Variants in DOP1B observed in about 807,000 individuals in gnomAD.
DOP1B encodes DOP1 leucine zipper like protein B.
A neutral mutation model predicts 233.5 loss-of-function variants in DOP1B; 174 were observed. That is an observed-to-expected ratio of 0.75 (90% CI 0.66 to 0.85). The LOEUF is 0.85. Among genes scored for constraint, DOP1B ranks in the 40% least tolerant of loss-of-function variants. The probability of loss-of-function intolerance (pLI) is 0.00; values close to 1 mark genes in which losing one functional copy is unlikely to be tolerated. For synonymous variants in DOP1B, 1,190 were observed against 1,185.6 expected (o/e 1.00, Z -0.08); for missense variants, 2,652 against 2,846.6 (o/e 0.93, Z 1.56).
At chr21:36,290,919 G>A (rs77182631) in intron 35 of DOP1B, among the ~76,000 whole-genome samples, 5,236 of 151,462 alleles carry the variant, frequency 0.035, 133 homozygotes, top group East Asian at 0.095. Context: ...GCAGTGAGCC[G>A]ACATCGCACC....
intron 2 of DOP1B, among the ~76,000 whole-genome samples, chr21:36,176,104 G>GTGTGTGTGTGTGTGCA (rs2066025893): frequency 1.3e-5 from 2 of 150,626 alleles, no homozygotes. Flanking sequence ...GTGCGTGTGT[G>GTGTGTGTGTGTGTGCA]TGTGTGTGTG....
chr21:36,171,530 G>T (rs1050394720), intron 2 of DOP1B, among the ~76,000 whole-genome samples: 1 of 152,132 alleles, frequency 6.6e-6, no homozygotes, highest in African/African-American at 2.4e-5. Context: ...TGATGAAAAA[G>T]GGGAAATGTA....
chr21:36,263,928 C>G lies in DOP1B; in HGVS notation c.5487+114C>G. On this transcript the variant is annotated intron_variant, in intron 26 of 36. Transcript: ENST00000691173. The stretch of plus-strand genomic sequence containing the variant: ...GACATTGGACAGAATCTGAGGTTAG[C>G]TTTGCACTTGTTCTCAAGTCTTACT... 5 of 1,080,610 alleles carry G rather than the reference C, an allele frequency of 4.6e-6. No homozygotes were observed. In the South Asian group the frequency reaches 6.9e-5, roughly 15 times the overall value. The allele number at this position is 1,080,610 out of a possible 1,614,324, so 66.9% of individuals were successfully genotyped here.
At chr21:36,281,363 A>G (rs1408414506) in intron 31 of DOP1B, 120 bp from the exon 32 acceptor site, 1 of 1,050,980 alleles carries the variant, frequency 9.5e-7, no homozygotes, top group East Asian at 2.5e-5. Context: ...TCATGTCCTT[A>G]CTTAATAAAG....
At chr21:36,277,750 G>A (rs142002864) in intron 28 of DOP1B, among the ~76,000 whole-genome samples, 73 of 151,838 alleles carry the variant, frequency 4.8e-4, no homozygotes, top group African/African-American at 1.7e-3. Context: ...TGCCTCCTGG[G>A]TTCAAGCAGT....
intron 24 of DOP1B, among the ~76,000 whole-genome samples, chr21:36,262,348 A>G (rs2067180550): frequency 6.6e-6 from 1 of 152,136 alleles, no homozygotes; most frequent in Non-Finnish European, 1.5e-5. Flanking sequence ...AGGTCACACA[A>G]TAGGTAGTAA....
At chr21:36,217,129 T>A (rs2066569112) in intron 9 of DOP1B, among the ~76,000 whole-genome samples, 1 of 150,676 alleles carries the variant, frequency 6.6e-6, no homozygotes, top group African/African-American at 2.4e-5. Flanking sequence ...GGCCTCTCTC[T>A]GGCCTTGGGA....
intron 15 of DOP1B, among the ~76,000 whole-genome samples, chr21:36,234,118 A>G (rs891501312): frequency 6.6e-6 from 1 of 152,110 alleles, no homozygotes; most frequent in African/African-American, 2.4e-5. Flanking sequence ...TCAGCCTCCC[A>G]AAGTGCCAGA....
At chr21:36,199,465 C>T (rs150257369) in intron 3 of DOP1B, among the ~76,000 whole-genome samples, 1,701 of 151,524 alleles carry the variant, frequency 0.011, 28 homozygotes, top group African/African-American at 0.039. Flanking sequence ...AATTTAAGTT[C>T]TAGGGTACAT....
chr21:36,282,094 G>C (rs1569070031), intron 32 of DOP1B, among the ~76,000 whole-genome samples: 2 of 152,102 alleles, frequency 1.3e-5, no homozygotes, highest in African/African-American at 4.8e-5. Flanking sequence ...TAGAACTTCA[G>C]AAGTATATTG....
rs142222484 is a variant in DOP1B, at chr21:36,203,538, A to G, written c.491+3037A>G. ...AGCCAAGATCGCACCACTGCACTCTAGCCTGGGCAACAGAGCAAGACTCCA... is the reference window on the plus strand; with the variant it reads ...AGCCAAGATCGCACCACTGCACTCTGGCCTGGGCAACAGAGCAAGACTCCA... On this transcript the variant is annotated intron_variant, in intron 4 of 36. Transcript: ENST00000691173. 2.2e-3 allele frequency among the ~76,000 whole-genome samples: 336 copies of G among 152,264 alleles called. 1 individual carries two copies. Among genetic ancestry groups the G allele is most frequent in the Middle Eastern group, 0.017 (5 of 294 alleles).
rs112231366 is a variant in DOP1B at position 36,223,223 on chromosome 21, T to C, written c.1251-8T>C. Reference sequence around the variant, plus strand: ...AGACATATTTATTCATGTCCTCCCCTTTTACAGTGCAATCAAGGAAAACAG... The same window carrying C: ...AGACATATTTATTCATGTCCTCCCCCTTTACAGTGCAATCAAGGAAAACAG... On this transcript the variant is annotated splice_region_variant and splice_polypyrimidine_tract_variant and intron_variant, in intron 10 of 36. Transcript: ENST00000691173. 3,136 of 1,589,182 alleles carry C rather than the reference T, an allele frequency of 2.0e-3. 47 individuals carry two copies. The African/African-American group carries it at 0.033, about 17-fold the overall frequency.
Position 36,245,221 on chromosome 21 carries a change from C to T in DOP1B, c.3241C>T (p.Arg1081Ter), listed in dbSNP as rs766473651. The T allele has an allele frequency of 9.3e-6, 15 of 1,613,962 alleles. No individual in the cohort carries two copies. The highest frequency in any genetic ancestry group is 2.7e-5 in the African/African-American group (2 of 74,936). Residue 1081 changes from arginine (R) to a stop codon, truncating the protein, a stop_gained, in exon 19 of 37, where the codon CGA (arginine) becomes TGA (stop). Coordinates refer to ENST00000691173, the MANE Select transcript of DOP1B (RefSeq NM_001320714.2). LOFTEE classifies it high-confidence loss of function. This position sits in a 1 kb window ranked among gnomAD's most constrained non-coding sequence, Gnocchi z 5.5. Reference sequence around the variant, plus strand: ...GAAGGAGCCCGAGAAGTACCCGCTGCGAGGCGAGCTGAGCGAGGAAGAGCT... The same window carrying T: ...GAAGGAGCCCGAGAAGTACCCGCTGTGAGGCGAGCTGAGCGAGGAAGAGCT... ...VEKEPEKYPL[R>*]GELSEEELPY...
At chr21:36,291,733 C>T (rs1336811458) in intron 35 of DOP1B, among the ~76,000 whole-genome samples, 2 of 152,062 alleles carry the variant, frequency 1.3e-5, no homozygotes, top group Admixed American at 1.3e-4. Context: ...AACTGAGACA[C>T]GCTGGAATCT....
rs549139312 is a variant in DOP1B at position 36,163,214 on chromosome 21, C to T, written c.-26-1494C>T. Among the ~76,000 whole-genome samples, 6 of 151,988 alleles carry T rather than the reference C, an allele frequency of 3.9e-5. No individual in the cohort carries two copies. In the South Asian group the frequency reaches 1.2e-3, roughly 32 times the overall value. ...CAAAAATTAGCTGGACATGGTGGCACGTGCCTGTAGCCCCAGCTATTTGGG... is the reference window on the plus strand; with the variant it reads ...CAAAAATTAGCTGGACATGGTGGCATGTGCCTGTAGCCCCAGCTATTTGGG... On this transcript the variant is annotated intron_variant, in intron 1 of 36. Coordinates refer to ENST00000691173, the MANE Select transcript of DOP1B (RefSeq NM_001320714.2).
intron 4 of DOP1B, among the ~76,000 whole-genome samples, chr21:36,201,365 T>TTTTTTTTA (rs2066364781): frequency 4.1e-5 from 6 of 147,178 alleles, no homozygotes; most frequent in Admixed American, 6.8e-5. Flanking sequence ...TTTTTTTTTT[T>TTTTTTTTA]GAGACAGAGT....
At chr21:36,203,024 C>T (rs372347914) in intron 4 of DOP1B, among the ~76,000 whole-genome samples, 1 of 152,216 alleles carries the variant, frequency 6.6e-6, no homozygotes, top group Non-Finnish European at 1.5e-5. Context: ...TTACTGTGAT[C>T]TTTTAAATCT....
intron 1 of DOP1B, among the ~76,000 whole-genome samples, chr21:36,158,201 T>C (rs1423138547): frequency 6.6e-6 from 1 of 152,208 alleles, no homozygotes; most frequent in Non-Finnish European, 1.5e-5. Context: ...CTTGTGTGAT[T>C]ACTTCTTTCT....
intron 16 of DOP1B, among the ~76,000 whole-genome samples, chr21:36,237,642 C>T (rs1569041772): frequency 2.0e-5 from 3 of 152,218 alleles, no homozygotes; most frequent in Non-Finnish European, 1.5e-5. Flanking sequence ...TATTGAGGCT[C>T]ACCAGGGAAA....
Sources: allele counts gnomAD v4.1 joint callset (sites outside exome capture counted in the v4.1 genomes callset), GRCh38; gene constraint gnomAD v4.1.1; non-coding constraint Gnocchi (gnomAD v3.1); transcripts MANE v1.5; gene names NCBI Gene and HGNC (gene_info 2026-07-23, HGNC 2026-07-21).